TCF4: variants seen among roughly 807,000 people sequenced by gnomAD.
TCF4 encodes transcription factor 4.
Under a neutral mutation model 82.1 loss-of-function variants are expected in TCF4, and 3 were observed. The observed-to-expected ratio is 0.04, with a 90% confidence interval of 0.02 to 0.09. The LOEUF (loss-of-function observed/expected upper bound fraction) is 0.09. Among genes scored for constraint, TCF4 ranks in the 10% least tolerant of loss-of-function variants. The pLI, the probability that TCF4 is intolerant of heterozygous loss-of-function variation, is 1.00. For synonymous variants in TCF4, 276 were observed against 309.6 expected (o/e 0.89, Z 1.14); for missense variants, 518 against 852.7 (o/e 0.61, Z 4.89).
intron 2 of TCF4, among the ~76,000 whole-genome samples, chr18:55,623,589 G>T (rs998925536): frequency 3.3e-5 from 5 of 152,132 alleles, no homozygotes; most frequent in Admixed American, 2.6e-4. Context: ...CTGGTTTTTA[G>T]AATAATTATG....
At chr18:55,421,860 A>G (rs1395880538) in intron 5 of TCF4, among the ~76,000 whole-genome samples, 1 of 152,176 alleles carries the variant, frequency 6.6e-6, no homozygotes, top group East Asian at 1.9e-4. Flanking sequence ...TTGCCAACCT[A>G]AAGTTCCACA....
intron 8 of TCF4, among the ~76,000 whole-genome samples, chr18:55,292,519 A>T (rs924764422): frequency 6.6e-6 from 1 of 152,202 alleles, no homozygotes; most frequent in Admixed American, 6.5e-5. Flanking sequence ...TTGATAAATT[A>T]GCATCTAGTG....
chr18:55,303,669 G>T (rs933715094), intron 8 of TCF4, among the ~76,000 whole-genome samples: 5 of 152,152 alleles, frequency 3.3e-5, no homozygotes, highest in African/African-American at 1.2e-4. Flanking sequence ...ATGGATAAAA[G>T]TGGCAGGATT....
In TCF4 at chr18:55,399,472, G is replaced by T. The variant is rs2093676124; in HGVS notation, c.369+3982C>A. Among the ~76,000 whole-genome samples the T allele has an allele frequency of 2.0e-5, 3 of 152,146 alleles. No individual in the cohort carries two copies. The South Asian group carries it at 6.2e-4, about 32-fold the overall frequency. ...GAAGAAGAAAAAGAATTTGGATGAG[G>T]TTAAAGCCTTGGACTTCACTAGAGA... On this transcript the variant is annotated intron_variant, in intron 6 of 19. Coordinates refer to ENST00000354452, the MANE Select transcript of TCF4 (RefSeq NM_001083962.2).
intron 8 of TCF4, among the ~76,000 whole-genome samples, chr18:55,283,271 G>A (rs1455657313): frequency 1.4e-5 from 2 of 146,906 alleles, no homozygotes; most frequent in Admixed American, 1.4e-4. Context: ...TATTATTTCT[G>A]CACTCATCAA....
chr18:55,483,134 T>C (rs1371209878), intron 3 of TCF4, among the ~76,000 whole-genome samples: 1 of 152,188 alleles, frequency 6.6e-6, no homozygotes, highest in Non-Finnish European at 1.5e-5. Flanking sequence ...CGACTCTTGG[T>C]GAAATGGATG....
intron 6 of TCF4, among the ~76,000 whole-genome samples, chr18:55,376,650 T>A (rs2090828757): frequency 6.6e-6 from 1 of 152,202 alleles, no homozygotes; most frequent in Admixed American, 6.5e-5. Context: ...TCAGTTCTCT[T>A]CCACTTGCAT....
At chr18:55,278,846 C>T (rs1271661788) in intron 9 of TCF4, among the ~76,000 whole-genome samples, 2 of 152,054 alleles carry the variant, frequency 1.3e-5, no homozygotes, top group African/African-American at 2.4e-5. Flanking sequence ...GGATTACAGG[C>T]GTGAGCCACC....
chr18:55,599,875 C>T (rs1359835111), intron 2 of TCF4, among the ~76,000 whole-genome samples: 1 of 152,186 alleles, frequency 6.6e-6, no homozygotes, highest in Admixed American at 6.5e-5. Flanking sequence ...CCTTCTGCTT[C>T]ATAGTGAATA....
At chr18:55,606,662 TC>T (rs1345947935) in intron 2 of TCF4, among the ~76,000 whole-genome samples, 1 of 152,148 alleles carries the variant, frequency 6.6e-6, no homozygotes, top group African/African-American at 2.4e-5. Flanking sequence ...TAAATATTTT[TC>T]CAGGCAAAAC....
exon 1 of TCF4, chr18:55,635,887 T>C (rs1331559934): frequency 6.4e-7 from 1 of 1,569,120 alleles, no homozygotes; most frequent in Non-Finnish European, 8.6e-7. Flanking sequence ...CTCCAGCCTT[T>C]TAGAAAACAT....
intron 5 of TCF4, among the ~76,000 whole-genome samples, chr18:55,421,086 GA>G (rs77627188): frequency 2.5e-4 from 36 of 143,928 alleles, no homozygotes; most frequent in South Asian, 1.5e-3. Context: ...AAACTAAAAG[GA>G]AAAAAAAAAA....
At chr18:55,584,711 C>T (rs1424545046) in intron 3 of TCF4, among the ~76,000 whole-genome samples, 4 of 151,320 alleles carry the variant, frequency 2.6e-5, no homozygotes, top group East Asian at 3.9e-4. Flanking sequence ...ACAAGTAAAT[C>T]GTTAGGGAAA....
intron 3 of TCF4, among the ~76,000 whole-genome samples, chr18:55,521,518 C>T (rs909879244): frequency 3.3e-5 from 5 of 152,148 alleles, no homozygotes; most frequent in African/African-American, 4.8e-5. Context: ...CTACATTATA[C>T]GTTATCCTCC....
At chr18:55,252,008 T>A (rs912849347) in intron 15 of TCF4, among the ~76,000 whole-genome samples, 1 of 149,706 alleles carries the variant, frequency 6.7e-6, no homozygotes, top group Non-Finnish European at 1.5e-5. Flanking sequence ...AAGGCTAACT[T>A]CAGACTGATT....
At chr18:55,475,900 T>C (rs1452024861) in intron 3 of TCF4, among the ~76,000 whole-genome samples, 1 of 152,170 alleles carries the variant, frequency 6.6e-6, no homozygotes, top group Admixed American at 6.5e-5. Context: ...AGGCATATTT[T>C]ACTATTAATT....
At chr18:55,429,163 G>C (rs8085315) in intron 5 of TCF4, among the ~76,000 whole-genome samples, 152,047 of 152,334 alleles carry the variant, frequency 1, 75,882 homozygotes, top group Middle Eastern at 1. Flanking sequence ...GTGAAATGAA[G>C]CCTTAGCAGG....
intron 8 of TCF4, among the ~76,000 whole-genome samples, chr18:55,341,224 C>T (rs1052890866): frequency 2.6e-5 from 4 of 152,200 alleles, no homozygotes; most frequent in African/African-American, 7.2e-5. Flanking sequence ...TAGAGACAGG[C>T]TGCCCAGGTC....
intron 2 of TCF4, among the ~76,000 whole-genome samples, chr18:55,595,798 T>C (rs2097690281): frequency 6.6e-6 from 1 of 152,198 alleles, no homozygotes; most frequent in Admixed American, 6.5e-5. Context: ...TTTTAAGGGT[T>C]TTGTCATTTT....
Sources: gnomAD v4.1 joint callset for allele counts (sites outside exome capture counted in the v4.1 genomes callset) on GRCh38, gnomAD v4.1.1 for gene constraint, MANE v1.5 for transcripts, NCBI Gene and HGNC (gene_info 2026-07-23, HGNC 2026-07-21) for gene names.